GPC4: variants seen among roughly 807,000 people sequenced by gnomAD.
GPC4 encodes the protein glypican 4.
Under a neutral mutation model 35.0 loss-of-function variants are expected in GPC4, and 10 were observed. The ratio of observed to expected loss-of-function variants is 0.29; its 90% CI spans 0.18 to 0.48. The LOEUF (loss-of-function observed/expected upper bound fraction) is 0.48. Among genes scored for constraint, GPC4 ranks in the 20% least tolerant of loss-of-function variants. GPC4 has a pLI of 0.99. For synonymous variants in GPC4, 167 were observed against 170.2 expected (o/e 0.98, Z 0.15); for missense variants, 322 against 451.3 (o/e 0.71, Z 2.60).
At chrX:133,411,537 ATGCC>A (rs1400512941) in intron 1 of GPC4, among the ~76,000 whole-genome samples, 1 of 111,426 alleles carries the variant, frequency 9.0e-6, no homozygotes, top group African/African-American at 3.3e-5. Context: ...TCTCTTTGAA[ATGCC>A]TGGGCACTCC....
chrX:133,388,529 C>G lies in GPC4; in HGVS notation c.160+26277G>C, dbSNP rs191731158. ...ATCCCTGTAGAAGTAATAAAACCAA[C>G]AGCCAACTCCTTTTTTTTTTTTTGA... is the stretch of plus-strand genomic sequence containing the variant. On this transcript the variant is annotated intron_variant, in intron 1 of 8. Coordinates refer to ENST00000370828, the MANE Select transcript of GPC4 (RefSeq NM_001448.3). Among the ~76,000 whole-genome samples, 3 of 111,233 alleles carry G rather than the reference C, an allele frequency of 2.7e-5. No individual in the cohort carries two copies. The East Asian group carries it at 8.5e-4, about 31-fold the overall frequency.
intron 1 of GPC4, among the ~76,000 whole-genome samples, chrX:133,381,711 T>C (rs2068661268): frequency 8.9e-6 from 1 of 112,643 alleles, no homozygotes; most frequent in South Asian, 3.7e-4. Flanking sequence ...CTTTGGTTCC[T>C]TTTTACTTTT....
chrX:133,333,907 AC>A (rs748478447), intron 2 of GPC4, among the ~76,000 whole-genome samples: 1 of 112,760 alleles, frequency 8.9e-6, no homozygotes, highest in South Asian at 3.7e-4. Flanking sequence ...TGACACACTT[AC>A]TTTGAGGGTG....
chrX:133,355,929 C>G (rs2124147526), intron 1 of GPC4, among the ~76,000 whole-genome samples: 1 of 111,772 alleles, frequency 8.9e-6, no homozygotes, highest in Non-Finnish European at 1.9e-5. Flanking sequence ...TGAAAGCTCC[C>G]TGAGGCCTCA....
chrX:133,327,638 TG>T (rs1210712739), intron 2 of GPC4, among the ~76,000 whole-genome samples: 21 of 3,819 alleles, frequency 5.5e-3, no homozygotes, highest in African/African-American at 4.6e-3. Context: ...TCCAGGAAAG[TG>T]TGTGTGTGTG....
chrX:133,399,141 G>C (rs773740536), intron 1 of GPC4, among the ~76,000 whole-genome samples: 4 of 111,426 alleles, frequency 3.6e-5, no homozygotes, highest in Non-Finnish European at 7.5e-5. Context: ...CAAGGCCAGG[G>C]GGCTTCATCT....
chrX:133,354,571 T>TATTTA (rs201932639), intron 1 of GPC4, among the ~76,000 whole-genome samples: 4 of 99,731 alleles, frequency 4.0e-5, no homozygotes, highest in African/African-American at 1.7e-4. Context: ...TTTATTTATT[T>TATTTA]TTTTTTTTGA....
At chrX:133,411,157 C>T (rs918326551) in intron 1 of GPC4, among the ~76,000 whole-genome samples, 23 of 112,303 alleles carry the variant, frequency 2.0e-4, no homozygotes, top group African/African-American at 7.1e-4. Flanking sequence ...TGTGCATGTA[C>T]ATATGTATGT....
intron 2 of GPC4, among the ~76,000 whole-genome samples, chrX:133,325,529 G>T (rs181102840): frequency 9.0e-6 from 1 of 111,586 alleles, no homozygotes. Context: ...GAAAAAACAA[G>T]CCAAAAGTGT....
At chrX:133,348,884 C>G (rs749248258) in intron 1 of GPC4, among the ~76,000 whole-genome samples, 3 of 112,027 alleles carry the variant, frequency 2.7e-5, no homozygotes, top group Non-Finnish European at 5.6e-5. Flanking sequence ...TCTCATACTC[C>G]CACTCCCCTA....
At chrX:133,410,757 A>G (rs1451383002) in intron 1 of GPC4, among the ~76,000 whole-genome samples, 1 of 112,672 alleles carries the variant, frequency 8.9e-6, no homozygotes, top group Non-Finnish European at 1.9e-5. Flanking sequence ...GCTGAATCAG[A>G]CATTTTATAT....
At chrX:133,348,640 T>G (rs1325393997) in intron 1 of GPC4, among the ~76,000 whole-genome samples, 1 of 112,460 alleles carries the variant, frequency 8.9e-6, no homozygotes, top group African/African-American at 3.2e-5. Flanking sequence ...GTAGCAATTA[T>G]GATTTTCACT....
intron 1 of GPC4, among the ~76,000 whole-genome samples, chrX:133,372,537 T>C (rs2068617412): frequency 9.0e-6 from 1 of 111,236 alleles, no homozygotes; most frequent in African/African-American, 3.3e-5. Context: ...AATTCTCCAC[T>C]CCCCACCCTA....
chrX:133,317,841 A>C (rs1420276385), intron 3 of GPC4, among the ~76,000 whole-genome samples: 1 of 99,820 alleles, frequency 1.0e-5, no homozygotes, highest in Non-Finnish European at 2.0e-5. Context: ...CAATTTCCTA[A>C]CCAGTTTTGA....
intron 1 of GPC4, among the ~76,000 whole-genome samples, chrX:133,370,834 TG>T (rs2068609667): frequency 9.0e-6 from 1 of 111,479 alleles, no homozygotes. Context: ...CTGTAGCTCT[TG>T]GGGGTGGGGT....
chrX:133,395,039 T>G (rs1017669100), intron 1 of GPC4, among the ~76,000 whole-genome samples: 2 of 111,711 alleles, frequency 1.8e-5, no homozygotes, highest in African/African-American at 6.5e-5. Context: ...CAGTTGGTGT[T>G]CCTATTTTAC....
At chrX:133,308,280 G>A (rs954106047) in intron 4 of GPC4, among the ~76,000 whole-genome samples, 1 of 111,908 alleles carries the variant, frequency 8.9e-6, no homozygotes, top group Non-Finnish European at 1.9e-5. Context: ...CCTCCTGCCA[G>A]GACCTGGCTG....
intron 1 of GPC4, among the ~76,000 whole-genome samples, chrX:133,383,151 C>T (rs1374939698): frequency 8.9e-6 from 1 of 111,976 alleles, no homozygotes; most frequent in African/African-American, 3.2e-5. Context: ...AACTTGGAAG[C>T]AACTAAGATG....
intron 4 of GPC4, among the ~76,000 whole-genome samples, chrX:133,309,877 C>T (rs2068306898): frequency 2.7e-5 from 3 of 112,127 alleles, no homozygotes; most frequent in South Asian, 7.4e-4. Context: ...TCTCCCATGG[C>T]TTCATTCTGG....
Sources: gnomAD v4.1 joint callset for allele counts (sites outside exome capture counted in the v4.1 genomes callset) on GRCh38, gnomAD v4.1.1 for gene constraint, MANE v1.5 for transcripts, NCBI Gene and HGNC (gene_info 2026-07-23, HGNC 2026-07-21) for gene names.